The following FBXL13 variants were observed in gnomAD, a reference collection of about 807,000 sequenced individuals.
FBXL13 encodes the protein F-box and leucine rich repeat protein 13.
A neutral mutation model predicts 83.6 loss-of-function variants in FBXL13; 67 were observed. The ratio of observed to expected loss-of-function variants is 0.80; its 90% CI spans 0.66 to 0.98. The LOEUF is 0.98. FBXL13 is among the 50% of genes least tolerant of loss of function. The pLI, the probability that FBXL13 is intolerant of heterozygous loss-of-function variation, is 0.00. For missense variants in FBXL13, 822 were observed against 866.5 expected (o/e 0.95, Z 0.64); for synonymous variants, 272 against 299.5 (o/e 0.91, Z 0.95).
At chr7:102,883,751 C>A in intron 12 of FBXL13, 66 bp from the exon 14 acceptor site, 1 of 951,386 alleles carries the variant, frequency 1.1e-6, no homozygotes, top group South Asian at 1.5e-5. Flanking sequence ...GTAATGAAGT[C>A]ACTTTTTCCT....
intron 2 of FBXL13, among the ~76,000 whole-genome samples, chr7:103,040,637 G>A (rs140742251): frequency 4.1e-3 from 630 of 152,314 alleles, no homozygotes; most frequent in Admixed American, 0.011. Context: ...GCAGACCACA[G>A]TGCAATCAAA....
intron 16 of FBXL13, among the ~76,000 whole-genome samples, chr7:102,875,284 G>A (rs1036812832): frequency 6.6e-6 from 1 of 151,884 alleles, no homozygotes; most frequent in African/African-American, 2.4e-5. Context: ...CCCCAGATTA[G>A]GAAAAGAATC....
chr7:102,843,659 C>T (rs1008161245), intron 17 of FBXL13, among the ~76,000 whole-genome samples: 6 of 152,006 alleles, frequency 3.9e-5, no homozygotes, highest in Admixed American at 1.3e-4. Context: ...ACCTGTAATC[C>T]CAGCTACTCC....
rs555927063 is a variant in FBXL13, at chr7:102,862,083, G to A, written c.1636-7223C>T. Among the ~76,000 whole-genome samples the A allele has an allele frequency of 3.2e-4, 48 of 151,996 alleles. 1 individual carries two copies. The South Asian group carries it at 8.9e-3, about 28-fold the overall frequency. On this transcript the variant is annotated intron_variant, in intron 16 of 19. Coordinates refer to ENST00000313221, the Ensembl canonical transcript of FBXL13. ...TTTTGGGCAGGGCGCAGTGGCTCAC[G>A]CCTGTAATCCCAGCACTTTTGGAGG...
At chr7:102,849,082 C>T (rs1478191115) in intron 17 of FBXL13, among the ~76,000 whole-genome samples, 6 of 152,164 alleles carry the variant, frequency 3.9e-5, no homozygotes, top group Admixed American at 6.5e-5. Context: ...ACTTCTAATA[C>T]GTCTGAACTG....
intron 8 of FBXL13, chr7:102,934,778 T>A: frequency 1.8e-6 from 2 of 1,142,396 alleles, no homozygotes; most frequent in Non-Finnish European, 2.5e-6. Flanking sequence ...TGTCTTGGAA[T>A]TCGTGATGTC....
chr7:102,865,001 T>C (rs1408888778), intron 16 of FBXL13, among the ~76,000 whole-genome samples: 1 of 152,234 alleles, frequency 6.6e-6, no homozygotes, highest in Non-Finnish European at 1.5e-5. Flanking sequence ...ACAGTGATGT[T>C]GCTTTTCTTG....
chr7:103,018,933 G>T (rs145523327), intron 6 of FBXL13, among the ~76,000 whole-genome samples: 2,885 of 152,132 alleles, frequency 0.019, 94 homozygotes, highest in African/African-American at 0.064. Flanking sequence ...AAGTTAACAA[G>T]GATATCCAGG....
At chr7:102,887,331 AC>A (rs1171166617) in intron 11 of FBXL13, among the ~76,000 whole-genome samples, 1 of 152,166 alleles carries the variant, frequency 6.6e-6, no homozygotes, top group African/African-American at 2.4e-5. Context: ...GAAATGAAGA[AC>A]AAAAACAAAG....
At chr7:103,056,821 AT>A (rs534381339) in intron 1 of FBXL13, among the ~76,000 whole-genome samples, 4,121 of 146,026 alleles carry the variant, frequency 0.028, 81 homozygotes, top group Admixed American at 0.039. Flanking sequence ...GCCAACATCT[AT>A]TTTTTTTTTT....
chr7:102,843,882 T>C (rs1052156150), intron 17 of FBXL13, among the ~76,000 whole-genome samples: 2 of 152,148 alleles, frequency 1.3e-5, no homozygotes, highest in Non-Finnish European at 2.9e-5. Context: ...ATGAGAGAAG[T>C]GGAGGTTCTA....
intron 6 of FBXL13, among the ~76,000 whole-genome samples, chr7:102,980,595 G>C (rs1320280301): frequency 6.6e-6 from 1 of 152,136 alleles, no homozygotes; most frequent in Non-Finnish European, 1.5e-5. Context: ...GGCTAACATG[G>C]TGAAACCCCA....
intron 2 of FBXL13, among the ~76,000 whole-genome samples, chr7:103,047,270 C>CA (rs559163377): frequency 7.4e-4 from 113 of 152,074 alleles, no homozygotes; most frequent in Non-Finnish European, 1.1e-3. Flanking sequence ...TTATCTTTTC[C>CA]ATGATGAGTC....
At chr7:102,991,023 A>G (rs1237755269) in intron 6 of FBXL13, among the ~76,000 whole-genome samples, 2 of 152,236 alleles carry the variant, frequency 1.3e-5, no homozygotes, top group Non-Finnish European at 2.9e-5. Flanking sequence ...ACAAATGAAA[A>G]ATAAGTCAGG....
chr7:103,049,880 C>A (rs558314007), intron 2 of FBXL13: 2 of 152,176 alleles, frequency 1.3e-5, no homozygotes, highest in East Asian at 1.9e-4. Flanking sequence ...GGAAGAGAAT[C>A]AAAAAATGGC....
intron 8 of FBXL13, among the ~76,000 whole-genome samples, chr7:102,955,406 CTT>C (rs1824089618): frequency 6.6e-6 from 1 of 151,892 alleles, no homozygotes; most frequent in Non-Finnish European, 1.5e-5. Context: ...TAGAAGGAAA[CTT>C]ATAGCACTAA....
chr7:102,894,978 C>G (rs375686151), intron 11 of FBXL13, among the ~76,000 whole-genome samples: 18 of 152,090 alleles, frequency 1.2e-4, no homozygotes, highest in African/African-American at 4.3e-4. Context: ...ATTCATTTGT[C>G]AAGCTTATCA....
intron 8 of FBXL13, among the ~76,000 whole-genome samples, chr7:102,962,986 AATAT>A (rs10612534): frequency 3.4e-4 from 34 of 101,408 alleles, no homozygotes; most frequent in East Asian, 1.6e-3. Flanking sequence ...GGATAATAAA[AATAT>A]ATATATATAT....
intron 6 of FBXL13, among the ~76,000 whole-genome samples, chr7:103,017,355 T>TA (rs1792478906): frequency 6.6e-6 from 1 of 151,638 alleles, no homozygotes; most frequent in African/African-American, 2.4e-5. Flanking sequence ...CAAAGGCAGA[T>TA]AAAACCACAA....
Sources: allele counts gnomAD v4.1 joint callset (sites outside exome capture counted in the v4.1 genomes callset), GRCh38; gene constraint gnomAD v4.1.1; transcripts MANE v1.5; gene names NCBI Gene and HGNC (gene_info 2026-07-23, HGNC 2026-07-21).